ARHGAP20: variants seen among roughly 807,000 people sequenced by gnomAD.
ARHGAP20 encodes Rho GTPase activating protein 20, also known as rho GTPase-activating protein 20.
ARHGAP20 carries 34 observed loss-of-function variants against 73.7 expected under a neutral mutation model. The ratio of observed to expected loss-of-function variants is 0.46; its 90% CI spans 0.35 to 0.61. The LOEUF is 0.61. Among genes scored for constraint, ARHGAP20 ranks in the 20% least tolerant of loss-of-function variants. ARHGAP20 has a pLI of 0.00. For synonymous variants in ARHGAP20, 523 were observed against 518.2 expected (o/e 1.01, Z -0.13); for missense variants, 1,314 against 1,420.9 (o/e 0.92, Z 1.21).
chr11:110,607,720 T>C (rs886777550), intron 8 of ARHGAP20, among the ~76,000 whole-genome samples: 2 of 152,118 alleles, frequency 1.3e-5, no homozygotes, highest in African/African-American at 4.8e-5. Context: ...AATCAATTTA[T>C]CAAAACAGCC....
chr11:110,625,039 T>C (rs533563613), intron 3 of ARHGAP20, among the ~76,000 whole-genome samples: 1 of 141,834 alleles, frequency 7.1e-6, no homozygotes, highest in African/African-American at 2.7e-5. Flanking sequence ...TTTATTTTTT[T>C]TTTTTTTTTG....
chr11:110,585,215 TC>T (rs1002424702), intron 12 of ARHGAP20, among the ~76,000 whole-genome samples: 1 of 151,940 alleles, frequency 6.6e-6, no homozygotes, highest in African/African-American at 2.4e-5. Flanking sequence ...TCTTACTAGT[TC>T]CCTCATAAAC....
rs538311922 is a variant in ARHGAP20 at position 110,689,062 on chromosome 11, G to A, written c.188+1485C>T. Among the ~76,000 whole-genome samples, 33 of 148,592 alleles carry A rather than the reference G, an allele frequency of 2.2e-4. No homozygotes were observed. The East Asian group carries it at 6.0e-3, about 27-fold the overall frequency. On this transcript the variant is annotated intron_variant, in intron 2 of 14. Coordinates refer to ENST00000683387, the MANE Select transcript of ARHGAP20 (RefSeq NM_001384657.1). ...GGCCCAGGCTGGAGTGCAGTGGCAC[G>A]ATCTCGGCTCACTGCAAGCTCCGCC...
chr11:110,662,934 T>C (rs767416931), intron 2 of ARHGAP20, among the ~76,000 whole-genome samples: 21 of 151,920 alleles, frequency 1.4e-4, no homozygotes, highest in Non-Finnish European at 2.9e-4. Context: ...ATATTAAAAA[T>C]ACTCTTTTAA....
Position 110,579,264 on chromosome 11 carries a change from C to T in ARHGAP20, c.*106G>A, listed in dbSNP as rs1947368185. 1.4e-6 allele frequency: 2 copies of T among 1,448,010 alleles called. No homozygotes were observed. 89.7% of individuals were successfully genotyped at this position (1,448,010 alleles called of 1,614,324 possible). A position where few individuals can be genotyped will look rare whatever the true frequency, so the allele number is the denominator to read the frequency against. On this transcript the variant is annotated 3_prime_UTR_variant, in exon 15 of 15. Transcript: ENST00000683387. ...GTCCTAAGTATTAGCAATGATAATC[C>T]TTATGCTACCTCTCCCAGGTATCTT...
At chr11:110,622,066 C>T (rs117908858) in intron 4 of ARHGAP20, among the ~76,000 whole-genome samples, 170 of 152,320 alleles carry the variant, frequency 1.1e-3, no homozygotes, top group Non-Finnish European at 2.0e-3. Flanking sequence ...TGGAGCTTCT[C>T]TTCTCTGCTA....
At position 110,583,698 on chromosome 11, in the gene ARHGAP20, T is replaced by G. The variant is rs1947536576; in HGVS notation, c.1455A>C (p.Leu485=). 6.2e-7 allele frequency: 1 copy of G among 1,602,884 alleles called. No individual in the cohort carries two copies. The highest frequency in any genetic ancestry group is 8.5e-7 in the Non-Finnish European group (1 of 1,172,780). ...DQLPRANVVL[L]RYLFGVLHNI... ...TGTGTAACACCCCAAAAAGATACCT[T>G]AGGAGAACAACATTGGCTCTCGGAA... Residue 485 remains leucine (L), a synonymous_variant, in exon 13 of 15, where the codon CTA becomes CTC. Coordinates refer to ENST00000683387, the MANE Select transcript of ARHGAP20 (RefSeq NM_001384657.1).
In ARHGAP20 at chr11:110,660,345, A is replaced by G. The variant is rs531659021; in HGVS notation, c.189-29553T>C. On this transcript the variant is annotated intron_variant, in intron 2 of 14. Transcript: ENST00000683387. ...AGGTACCTAAAGGGTGAGTCAAGAG[A>G]CCAGTCACTGGCCTACAGAAAGAAC... is the stretch of plus-strand genomic sequence containing the variant. Among the ~76,000 whole-genome samples, 4 of 152,258 alleles carry G rather than the reference A, an allele frequency of 2.6e-5. No homozygotes were observed. The South Asian group carries it at 8.3e-4, about 32-fold the overall frequency.
intron 4 of ARHGAP20, among the ~76,000 whole-genome samples, chr11:110,623,852 CTGTTGTTGT>C (rs150741915): frequency 0.096 from 14,663 of 152,032 alleles, 817 homozygotes; most frequent in African/African-American, 0.15. Context: ...CCTGTTGTTG[CTGTTGTTGT>C]TGTTGTTTTC....
At chr11:110,624,353 T>C in intron 3 of ARHGAP20, 42 bp from the exon 4 acceptor site, 7 of 1,460,528 alleles carry the variant, frequency 4.8e-6, no homozygotes, top group Non-Finnish European at 5.4e-6. Context: ...GTTATTTTGT[T>C]TCTTAAATTT....
chr11:110,589,990 G>A (rs975786727), intron 11 of ARHGAP20, among the ~76,000 whole-genome samples: 3 of 152,032 alleles, frequency 2.0e-5, no homozygotes, highest in African/African-American at 7.2e-5. Flanking sequence ...ACCTGGTAGT[G>A]CAGGCTTGTA....
chr11:110,614,782 A>T (rs1948448149), intron 5 of ARHGAP20, 137 bp from the exon 6 acceptor site: 1 of 614,604 alleles, frequency 1.6e-6, no homozygotes, highest in South Asian at 2.4e-5. Flanking sequence ...AGATGAGAAG[A>T]CTCAGCAAAG....
At chr11:110,597,503 T>C (rs1196422375) in intron 9 of ARHGAP20, among the ~76,000 whole-genome samples, 1 of 152,160 alleles carries the variant, frequency 6.6e-6, no homozygotes, top group African/African-American at 2.4e-5. Flanking sequence ...TTATTATTTT[T>C]TTAGAGATGA....
Position 110,580,711 on chromosome 11 carries a change from C to G in ARHGAP20, c.2235G>C (p.Gln745His). Residue 745 changes from glutamine (Q) to histidine (H), a missense_variant, in exon 15 of 15, where the codon CAG (glutamine) becomes CAC (histidine). Physicochemically the swap from Gln to His is conservative, Grantham distance 24. Transcript: ENST00000683387. ...LSQKDEDYLKQNQPLQEEGKT... is the reference protein window; with the variant it reads ...LSQKDEDYLKHNQPLQEEGKT... Reference sequence around the variant, plus strand: ...TTCCTTCCTCCTGGAGGGGTTGATTCTGCTTCAGATAGTCTTCATCTTTTT... The same window carrying G: ...TTCCTTCCTCCTGGAGGGGTTGATTGTGCTTCAGATAGTCTTCATCTTTTT... The G allele has an allele frequency of 6.2e-7, 1 of 1,613,964 alleles. No individual in the cohort carries two copies.
At chr11:110,612,453 C>A in intron 6 of ARHGAP20, among the ~76,000 whole-genome samples, 1 of 151,044 alleles carries the variant, frequency 6.6e-6, no homozygotes. Flanking sequence ...AACAAACAAA[C>A]AAACAAAAAG....
chr11:110,638,986 AACTT>A (rs1273516849), intron 2 of ARHGAP20, among the ~76,000 whole-genome samples: 1 of 152,028 alleles, frequency 6.6e-6, no homozygotes, highest in East Asian at 1.9e-4. Context: ...TGTACCCTAA[AACTT>A]AGGGTATAAT....
chr11:110,598,965 T>C (rs1424354231), intron 9 of ARHGAP20, among the ~76,000 whole-genome samples: 1 of 150,956 alleles, frequency 6.6e-6, no homozygotes, highest in African/African-American at 2.4e-5. Context: ...ACAGAGCAGG[T>C]AGGAGCCTTG....
intron 3 of ARHGAP20, among the ~76,000 whole-genome samples, chr11:110,628,130 T>A (rs4938090): frequency 0.33 from 50,678 of 152,044 alleles, 9,085 homozygotes; most frequent in African/African-American, 0.45. Flanking sequence ...TATTTATCCC[T>A]CTCAAGTTTA....
At chr11:110,707,742 T>C (rs1332882754) in intron 1 of ARHGAP20, among the ~76,000 whole-genome samples, 1 of 152,126 alleles carries the variant, frequency 6.6e-6, no homozygotes, top group Non-Finnish European at 1.5e-5. Flanking sequence ...TAAGGGACAC[T>C]TAAAAAAGGC....
Sources: allele counts gnomAD v4.1 joint callset (sites outside exome capture counted in the v4.1 genomes callset), GRCh38; gene constraint gnomAD v4.1.1; transcripts MANE v1.5; gene names NCBI Gene and HGNC (gene_info 2026-07-23, HGNC 2026-07-21).